The following SRGAP2 variants were observed in gnomAD, a reference collection of about 807,000 sequenced individuals.
SRGAP2 encodes SLIT-ROBO Rho GTPase activating protein 2.
In SRGAP2, 15 loss-of-function variants were observed where a neutral mutation model predicts 57.2. The observed-to-expected ratio is 0.26, with a 90% CI of 0.18 to 0.40. The LOEUF (loss-of-function observed/expected upper bound fraction) is 0.40. Ranked by LOEUF, SRGAP2 falls within the 10% of genes least tolerant of loss-of-function variation. SRGAP2 has a pLI of 1.00. For synonymous variants in SRGAP2, 249 were observed against 248.0 expected, an observed-to-expected ratio of 1.00 and a Z score of -0.04; for missense variants, 520 against 669.6, an observed-to-expected ratio of 0.78 and a Z score of 2.47.
chr1:206,457,560 C>T (rs575111306), intron 21 of SRGAP2, among the ~76,000 whole-genome samples: 23 of 152,304 alleles, frequency 1.5e-4, no homozygotes, highest in African/African-American at 5.5e-4. Context: ...ATCCTTTTTC[C>T]ACTCGAGAGC....
At chr1:206,437,910 G>A (rs1553370590) in intron 15 of SRGAP2, 54 bp from the exon 16 acceptor site, 1 of 777,652 alleles carries the variant, frequency 1.3e-6, no homozygotes, top group African/African-American at 1.7e-5. Flanking sequence ...TTCGTCCTGT[G>A]TGTTTTTGCC....
chr1:206,414,209 A>G (rs956983560), intron 10 of SRGAP2, among the ~76,000 whole-genome samples: 1 of 151,118 alleles, frequency 6.6e-6, no homozygotes, highest in African/African-American at 2.4e-5. Context: ...TAATTTTTGT[A>G]TTTTTTTGTT....
chr1:206,280,194 G>A (rs1167810091), intron 2 of SRGAP2, among the ~76,000 whole-genome samples: 14 of 146,818 alleles, frequency 9.5e-5, no homozygotes, highest in African/African-American at 2.0e-4. Context: ...CAATTCTCCC[G>A]TCAGCCTCCT....
chr1:206,307,814 C>G (rs1322258217), intron 3 of SRGAP2, among the ~76,000 whole-genome samples: 2 of 151,780 alleles, frequency 1.3e-5, no homozygotes, highest in East Asian at 1.9e-4. Context: ...CACGCAGCCC[C>G]GGTTCCCGCT....
At chr1:206,450,304 C>T (rs1553375343) in intron 18 of SRGAP2, 82 bp from the exon 19 acceptor site, 7 of 733,226 alleles carry the variant, frequency 9.5e-6, no homozygotes, top group Middle Eastern at 2.3e-4. Context: ...AGTGCCCTCG[C>T]GCCAGGGAGG....
chr1:206,323,409 G>A (rs537807890), intron 3 of SRGAP2, among the ~76,000 whole-genome samples: 6 of 151,208 alleles, frequency 4.0e-5, no homozygotes, highest in African/African-American at 1.5e-4. Flanking sequence ...GACATGCACT[G>A]AGAACAAACC....
At chr1:206,425,770 G>A (rs1357872027) in intron 13 of SRGAP2, among the ~76,000 whole-genome samples, 1 of 151,722 alleles carries the variant, frequency 6.6e-6, no homozygotes. Context: ...CCTGACCTCA[G>A]GTGATCTGCC....
At chr1:206,442,118 C>T (rs782455850) in intron 17 of SRGAP2, among the ~76,000 whole-genome samples, 6 of 152,324 alleles carry the variant, frequency 3.9e-5, no homozygotes, top group Non-Finnish European at 5.9e-5. Flanking sequence ...TTATAGGTAT[C>T]TGGGTTAGTG....
At chr1:206,286,909 C>T (rs1377610515) in intron 2 of SRGAP2, among the ~76,000 whole-genome samples, 4 of 152,016 alleles carry the variant, frequency 2.6e-5, no homozygotes, top group Non-Finnish European at 5.9e-5. Flanking sequence ...AGCTTTTCTC[C>T]ACTGGGAAGC....
chr1:206,263,924 TC>T (rs1469069941), intron 2 of SRGAP2, among the ~76,000 whole-genome samples: 1 of 150,402 alleles, frequency 6.6e-6, no homozygotes, highest in Non-Finnish European at 1.5e-5. Context: ...TTTTAATATT[TC>T]CCTATATGTC....
intron 3 of SRGAP2, among the ~76,000 whole-genome samples, chr1:206,336,731 AT>A (rs1553333789): frequency 1.0e-5 from 1 of 95,514 alleles, no homozygotes; most frequent in Non-Finnish European, 2.1e-5. Context: ...AATAGAGAAA[AT>A]AAGCCAGAAA....
chr1:206,307,269 G>A (rs1321743052), intron 3 of SRGAP2, among the ~76,000 whole-genome samples: 38 of 152,046 alleles, frequency 2.5e-4, no homozygotes, highest in African/African-American at 7.5e-4. Flanking sequence ...ACAGAGTGTC[G>A]ATTGGTGCAC....
rs1417962209 is a variant in SRGAP2, at chr1:206,214,836, T to C, written c.67+8799T>C. On this transcript the variant is annotated intron_variant, in intron 2 of 22. Coordinates refer to ENST00000573034, the MANE Select transcript of SRGAP2 (RefSeq NM_015326.5). ...GAAAAGAAAGAAAGAAATCTCACCT[T>C]TCTGGTAAAGCCCAACGTTTCTGGG... 2.0e-5 allele frequency: 3 copies of C among 151,916 alleles called. No individual in the cohort carries two copies. The East Asian group carries it at 5.8e-4, about 29-fold the overall frequency. The allele number at this position is 151,916 out of a possible 1,614,324, so 9.4% of individuals were successfully genotyped here.
chr1:206,449,447 C>CTTTTT (rs60880671), intron 18 of SRGAP2, among the ~76,000 whole-genome samples: 6 of 138,786 alleles, frequency 4.3e-5, no homozygotes, highest in Non-Finnish European at 3.1e-5. Flanking sequence ...TGCACACTGG[C>CTTTTT]TTTTTTTTTT....
intron 10 of SRGAP2, among the ~76,000 whole-genome samples, chr1:206,414,202 T>C (rs556039245): frequency 2.6e-5 from 4 of 151,916 alleles, no homozygotes; most frequent in Non-Finnish European, 5.9e-5. Flanking sequence ...GCCCGGCTAA[T>C]TTTTGTATTT....
At chr1:206,427,729 C>G (rs572397544) in intron 13 of SRGAP2, among the ~76,000 whole-genome samples, 1 of 152,328 alleles carries the variant, frequency 6.6e-6, no homozygotes, top group East Asian at 1.9e-4. Context: ...ACATCTAAAG[C>G]CCTTTCTAGT....
At chr1:206,354,162 C>CTTT (rs1676256854) in intron 4 of SRGAP2, among the ~76,000 whole-genome samples, 1 of 151,938 alleles carries the variant, frequency 6.6e-6, no homozygotes, top group African/African-American at 2.4e-5. Flanking sequence ...TTCCTCTTGA[C>CTTT]TTTTTTTTAC....
chr1:206,289,906 G>GA (rs1481796651), intron 2 of SRGAP2, among the ~76,000 whole-genome samples: 2 of 151,082 alleles, frequency 1.3e-5, no homozygotes, highest in African/African-American at 4.9e-5. Context: ...GTGCTCACGT[G>GA]AACTGTGGAG....
At chr1:206,360,157 G>A (rs1448245538) in intron 4 of SRGAP2, among the ~76,000 whole-genome samples, 1 of 151,660 alleles carries the variant, frequency 6.6e-6, no homozygotes, top group Non-Finnish European at 1.5e-5. Context: ...TGATAAATTG[G>A]CATTGGAACT....
Sources: gnomAD v4.1 joint callset for allele counts (sites outside exome capture counted in the v4.1 genomes callset) on GRCh38, gnomAD v4.1.1 for gene constraint, MANE v1.5 for transcripts, NCBI Gene and HGNC (gene_info 2026-07-23, HGNC 2026-07-21) for gene names.